Variants in AHSA1 observed in about 807,000 individuals in gnomAD.
AHSA1 encodes the protein activator of 90 kDa heat shock protein ATPase homolog 1.
In AHSA1, 14 loss-of-function variants were observed where a neutral mutation model predicts 46.1. The ratio of observed to expected loss-of-function variants is 0.30; its 90% confidence interval spans 0.20 to 0.47. The LOEUF (loss-of-function observed/expected upper bound fraction) is 0.47, where lower values mean the gene tolerates loss of function less well. Among genes scored for constraint, AHSA1 ranks in the 20% least tolerant of loss-of-function variants. The pLI is 0.99. For synonymous variants in AHSA1, 147 were observed against 145.8 expected, an observed-to-expected ratio of 1.01 and a Z score of -0.06; for missense variants, 333 against 415.9, an observed-to-expected ratio of 0.80 and a Z score of 1.73.
chr14:77,459,594 T>G, intron 1 of AHSA1, 22 bp from the exon 2 acceptor site: 1 of 1,613,482 alleles, frequency 6.2e-7, no homozygotes, highest in African/African-American at 1.3e-5. Flanking sequence ...TGCTGGTTCA[T>G]AGCTCTGTTT....
intron 1 of AHSA1, among the ~76,000 whole-genome samples, chr14:77,459,331 G>A (rs1169004551): frequency 6.6e-6 from 1 of 152,224 alleles, no homozygotes; most frequent in African/African-American, 2.4e-5. Flanking sequence ...GGGGCGCCAT[G>A]TTAAAGTATC....
At position 77,462,792 on chromosome 14, in the gene AHSA1, A is replaced by T. The variant is rs541251247; in HGVS notation, c.472+33A>T. On this transcript the variant is annotated intron_variant, in intron 4 of 8. Coordinates refer to ENST00000216479, the MANE Select transcript of AHSA1 (RefSeq NM_012111.3). ...TTGAGTAGTTCTGTATGCCTTAAGG[A>T]GGTAGTTTCCACCTGTTAGACTCTG... 3.2e-6 allele frequency: 5 copies of T among 1,574,186 alleles called. No individual in the cohort carries two copies. The South Asian group carries it at 4.4e-5, about 14-fold the overall frequency.
Position 77,468,078 on chromosome 14 carries a change from TG to T in AHSA1, c.691-4del. ...TTTTTTTTTTTTTTTTTTTTTTCCC[TG>T]CAGCTGGTGCAGGCCTTTACCCATG... is the stretch of plus-strand genomic sequence containing the variant. On this transcript the variant is annotated splice_region_variant and splice_polypyrimidine_tract_variant and intron_variant, in intron 6 of 8. Coordinates refer to ENST00000216479, the MANE Select transcript of AHSA1 (RefSeq NM_012111.3). 2.5e-6 allele frequency: 2 copies of T among 798,762 alleles called. No individual in the cohort carries two copies. The highest frequency in any genetic ancestry group is 3.8e-6 in the Non-Finnish European group (2 of 530,806). 49.5% of individuals were successfully genotyped at this position (798,762 alleles called of 1,614,324 possible).
Position 77,464,644 on chromosome 14 carries a change from A to C in AHSA1, c.519A>C (p.Val173=). The change falls in exon 5 of 9, where the codon GTA becomes GTC. Residue 173 remains valine, a synonymous_variant. Transcript: ENST00000216479. ...MILPTMNGES[V]DPVGQPALKT... ...TACCTACAATGAATGGAGAGTCAGT[A>C]GACCCAGTGGGGCAGCCAGCACTGA... The C allele has an allele frequency of 6.2e-7, 1 of 1,614,136 alleles. No homozygotes were observed. The highest frequency in any genetic ancestry group is 8.5e-7 in the Non-Finnish European group (1 of 1,180,022).
intron 6 of AHSA1, 88 bp from the exon 7 acceptor site, chr14:77,467,995 A>C (rs1405530074): frequency 1.1e-6 from 1 of 908,490 alleles, no homozygotes; most frequent in Non-Finnish European, 1.6e-6. Flanking sequence ...TGAGGCATGC[A>C]GCCTTCAGCT....
At chr14:77,466,100 G>A (rs1057310938) in intron 6 of AHSA1, among the ~76,000 whole-genome samples, 3 of 152,154 alleles carry the variant, frequency 2.0e-5, no homozygotes, top group Non-Finnish European at 4.4e-5. Context: ...GCCTCCCAAA[G>A]TGCTGGGATT....
chr14:77,463,575 G>A, intron 4 of AHSA1, among the ~76,000 whole-genome samples: 1 of 122,560 alleles, frequency 8.2e-6, no homozygotes, highest in African/African-American at 3.0e-5. Context: ...GACAGAGGGA[G>A]ACTCCATCTC....
chr14:77,463,490 G>T (rs1324472194), intron 4 of AHSA1, among the ~76,000 whole-genome samples: 1 of 151,148 alleles, frequency 6.6e-6, no homozygotes, highest in Non-Finnish European at 1.5e-5. Context: ...AGAGGCTGAG[G>T]CAGGAGAATT....
intron 5 of AHSA1, among the ~76,000 whole-genome samples, 173 bp downstream of exon 5, chr14:77,464,859 A>G (rs2079041264): frequency 6.6e-6 from 1 of 152,156 alleles, no homozygotes; most frequent in East Asian, 1.9e-4. Flanking sequence ...CCCATCTTTA[A>G]CCTGGTTTTA....
intron 8 of AHSA1, 124 bp downstream of exon 8, chr14:77,468,632 A>T: frequency 1.2e-6 from 1 of 860,898 alleles, no homozygotes; most frequent in Non-Finnish European, 1.8e-6. Context: ...GCATAATCAC[A>T]GCAAACTGCA....
At chr14:77,464,544 C>T in intron 4 of AHSA1, 54 bp from the exon 5 acceptor site, 1 of 1,464,154 alleles carries the variant, frequency 6.8e-7, no homozygotes, top group Admixed American at 1.8e-5. Flanking sequence ...AATGAAACTC[C>T]AGATCTCAGC....
intron 2 of AHSA1, 102 bp from the exon 3 acceptor site, chr14:77,462,058 C>T: frequency 1.3e-6 from 1 of 789,450 alleles, no homozygotes; most frequent in African/African-American, 1.7e-5. Flanking sequence ...AGGATCAGTT[C>T]AGCCATCCAA....
At chr14:77,464,755 A>ATAT in intron 5 of AHSA1, 69 bp downstream of exon 5, 2 of 1,361,136 alleles carry the variant, frequency 1.5e-6, no homozygotes, top group Non-Finnish European at 2.1e-6. Context: ...TTAATTCCAC[A>ATAT]TATCAGCTCT....
intron 8 of AHSA1, chr14:77,468,747 C>CCT: frequency 5.4e-6 from 1 of 184,474 alleles, no homozygotes; most frequent in Non-Finnish European, 8.8e-6. Context: ...TTTTTTTTTA[C>CCT]TTTTTTACTT....
At chr14:77,468,644 CCTTAACCTCCCAGA>C (rs1341462474) in intron 8 of AHSA1, 136 bp downstream of exon 8, 1 of 792,368 alleles carries the variant, frequency 1.3e-6, no homozygotes, top group East Asian at 2.7e-5. Context: ...CAAACTGCAG[CCTTAACCTCCCAGA>C]CCCAAACGAT....
chr14:77,468,826 C>A (rs1327132629), intron 8 of AHSA1: 2 of 617,670 alleles, frequency 3.2e-6, no homozygotes, highest in African/African-American at 3.7e-5. Flanking sequence ...AAGTGATCCT[C>A]CTGCCTCAGC....
intron 3 of AHSA1, 62 bp from the exon 4 acceptor site, chr14:77,462,580 C>G: frequency 6.8e-7 from 1 of 1,474,196 alleles, no homozygotes; most frequent in South Asian, 1.1e-5. Context: ...GCTCAGCCCC[C>G]ACATTCCATA....
Position 77,469,210 on chromosome 14 carries a change from C to T in AHSA1, c.978C>T (p.Gly326=), listed in dbSNP as rs146211975. Residue 326 remains glycine, a synonymous_variant, in exon 9 of 9, where the codon GGC becomes GGT. Transcript: ENST00000216479. ...RQGWQRYYFE[G]IKQTFGYGAR... ...GCTGGCAGCGGTACTACTTTGAGGG[C>T]ATTAAACAGACCTTTGGCTATGGCG... 3 of 1,613,962 alleles carry T rather than the reference C, an allele frequency of 1.9e-6. No individual in the cohort carries two copies. Among genetic ancestry groups the T allele is most frequent in the Non-Finnish European group, 2.5e-6 (3 of 1,179,962 alleles).
chr14:77,461,531 C>T (rs531810514), intron 2 of AHSA1, among the ~76,000 whole-genome samples: 23 of 152,032 alleles, frequency 1.5e-4, no homozygotes, highest in African/African-American at 5.5e-4. Context: ...CTCTGTCTTG[C>T]GGGGGGAAAA....
Sources: allele counts gnomAD v4.1 joint callset (sites outside exome capture counted in the v4.1 genomes callset), GRCh38; gene constraint gnomAD v4.1.1; transcripts MANE v1.5; gene names NCBI Gene and HGNC (gene_info 2026-07-23, HGNC 2026-07-21).